The following CDK8 variants were observed in gnomAD, a reference collection of about 807,000 sequenced individuals.
The protein encoded by CDK8 is cyclin dependent kinase 8, also known as cyclin-dependent kinase 8.
A neutral mutation model predicts 71.5 loss-of-function variants in CDK8; 29 were observed. That is an observed-to-expected ratio of 0.41 (90% confidence interval 0.30 to 0.55). The LOEUF is 0.55. CDK8 is among the 20% of genes least tolerant of loss of function. CDK8 has a pLI of 0.37. For missense variants in CDK8, 288 were observed against 572.6 expected (o/e 0.50, Z 5.07); for synonymous variants, 161 against 192.1 (o/e 0.84, Z 1.34).
chr13:26,334,723 A>G (rs1260063177), intron 1 of CDK8, among the ~76,000 whole-genome samples: 1 of 152,224 alleles, frequency 6.6e-6, no homozygotes, highest in Non-Finnish European at 1.5e-5. Context: ...AAAGTATTAA[A>G]TTGACTTAAA....
intron 1 of CDK8, among the ~76,000 whole-genome samples, chr13:26,306,005 T>C (rs545513542): frequency 2.3e-4 from 35 of 152,198 alleles, no homozygotes; most frequent in Admixed American, 1.1e-3. Context: ...TTGGAATTTT[T>C]CTTGAAAAAT....
rs1873586351 is a variant in CDK8, at chr13:26,349,163, A to G, written c.296A>G (p.Tyr99Cys). The G allele has an allele frequency of 1.2e-6, 2 of 1,602,242 alleles. No homozygotes were observed. The highest frequency in any genetic ancestry group is 8.5e-7 in the Non-Finnish European group (1 of 1,169,816). Residue 99 changes from tyrosine to cysteine, a missense_variant, in exon 3 of 13, where the codon TAT (tyrosine) becomes TGT (cysteine). This residue lies in a region of CDK8 where 95 missense variants were observed against 177.3 expected (regional missense o/e 0.54). Coordinates refer to ENST00000381527, the MANE Select transcript of CDK8 (RefSeq NM_001260.3). ...AGGAAGGTGTGGCTTCTGTTTGACT[A>G]TGCTGAACATGACCTCTGGGTAAGG... ...ADRKVWLLFD[Y>C]AEHDLWHIIK...
intron 1 of CDK8, among the ~76,000 whole-genome samples, chr13:26,267,960 G>GT (rs1872102453): frequency 2.6e-5 from 4 of 152,240 alleles, no homozygotes; most frequent in Middle Eastern, 3.4e-3. Context: ...TAGAAACTCT[G>GT]ATCACCATGC....
At chr13:26,384,999 A>G (rs1337824585) in intron 5 of CDK8, among the ~76,000 whole-genome samples, 2 of 152,188 alleles carry the variant, frequency 1.3e-5, no homozygotes, top group Admixed American at 6.5e-5. Context: ...CTTGACTATA[A>G]CCCCATTGAA....
intron 1 of CDK8, among the ~76,000 whole-genome samples, chr13:26,261,944 A>C (rs1048519908): frequency 6.6e-6 from 1 of 152,184 alleles, no homozygotes; most frequent in Non-Finnish European, 1.5e-5. Flanking sequence ...TTATTCCAGG[A>C]CAGTGCTCAC....
intron 1 of CDK8, among the ~76,000 whole-genome samples, chr13:26,276,564 T>A (rs1433556441): frequency 1.3e-5 from 2 of 152,152 alleles, no homozygotes; most frequent in African/African-American, 2.4e-5. Context: ...TTTAATATAT[T>A]TTTTTAATTA....
rs567873371 is a variant in CDK8 at position 26,394,557 on chromosome 13, A to G, written c.790+1047A>G. Among the ~76,000 whole-genome samples the G allele has an allele frequency of 3.9e-5, 6 of 152,320 alleles. No homozygotes were observed. The South Asian group carries it at 1.0e-3, about 26-fold the overall frequency. On this transcript the variant is annotated intron_variant, in intron 7 of 12. Coordinates refer to ENST00000381527, the MANE Select transcript of CDK8 (RefSeq NM_001260.3). ...GTACTGCTATATGTAGAATGTTTAA[A>G]AAGTAGGTATGGTTTTGAGTAGAGA...
At chr13:26,290,553 T>TCA (rs1202859925) in intron 1 of CDK8, among the ~76,000 whole-genome samples, 2 of 152,070 alleles carry the variant, frequency 1.3e-5, no homozygotes, top group African/African-American at 4.8e-5. Flanking sequence ...GCTGAATACT[T>TCA]CACACACACA....
chr13:26,395,571 T>C lies in CDK8; in HGVS notation c.791-714T>C, dbSNP rs75203545. On this transcript the variant is annotated intron_variant, in intron 7 of 12. Transcript: ENST00000381527. Reference sequence around the variant, plus strand: ...CCTAGTAGACTCTCAGGAAAACCCATTGGCAGATATTGGAGAGAACACATT... The same window carrying C: ...CCTAGTAGACTCTCAGGAAAACCCACTGGCAGATATTGGAGAGAACACATT... Among the ~76,000 whole-genome samples, 728 of 151,898 alleles carry C rather than the reference T, an allele frequency of 4.8e-3. 2 individuals are homozygous for C. The highest frequency in any genetic ancestry group is 8.4e-3 in the Non-Finnish European group (573 of 67,994).
At chr13:26,291,496 T>A (rs1362409788) in intron 1 of CDK8, among the ~76,000 whole-genome samples, 2 of 152,186 alleles carry the variant, frequency 1.3e-5, no homozygotes, top group South Asian at 2.1e-4. Context: ...TCAGAATTTT[T>A]AAAAATCAAT....
intron 1 of CDK8, among the ~76,000 whole-genome samples, chr13:26,268,927 C>A (rs1002932189): frequency 7.2e-5 from 11 of 152,168 alleles, no homozygotes; most frequent in African/African-American, 2.4e-4. Flanking sequence ...TCCTACCCAG[C>A]ACTGACATTC....
intron 1 of CDK8, among the ~76,000 whole-genome samples, chr13:26,325,432 A>G (rs1374795404): frequency 1.3e-5 from 2 of 152,284 alleles, no homozygotes; most frequent in South Asian, 2.1e-4. Context: ...ATCTTGTGTA[A>G]GATTATTGGG....
intron 4 of CDK8, among the ~76,000 whole-genome samples, chr13:26,367,547 A>G (rs913769295): frequency 2.0e-5 from 3 of 152,128 alleles, no homozygotes; most frequent in Admixed American, 6.5e-5. Context: ...GGCCAGACCT[A>G]TTTGTTTTTT....
chr13:26,291,472 A>G (rs1447450835), intron 1 of CDK8, among the ~76,000 whole-genome samples: 1 of 152,200 alleles, frequency 6.6e-6, no homozygotes, highest in Non-Finnish European at 1.5e-5. Flanking sequence ...TAGGAACAAT[A>G]AAATGCCAAC....
At chr13:26,349,988 T>C (rs1873620788) in intron 3 of CDK8, among the ~76,000 whole-genome samples, 1 of 152,210 alleles carries the variant, frequency 6.6e-6, no homozygotes, top group African/African-American at 2.4e-5. Context: ...ACTTATTTAC[T>C]ATTGTGTCAC....
rs534265015 is a variant in CDK8 at position 26,305,814 on chromosome 13, A to G, written c.129-31753A>G. ...TTTTCTCCTCAAAAATCTGTGTTCT[A>G]TCTTGAGGTACTCTGTTGGAATTCT... is the stretch of plus-strand genomic sequence containing the variant. On this transcript the variant is annotated intron_variant, in intron 1 of 12. Transcript: ENST00000381527. 5.3e-5 allele frequency among the ~76,000 whole-genome samples: 8 copies of G among 152,186 alleles called. No homozygotes were observed. The East Asian group carries it at 1.2e-3, about 22-fold the overall frequency.
At chr13:26,385,127 C>A (rs921629337) in intron 5 of CDK8, 84 bp from the exon 6 acceptor site, 2 of 1,105,410 alleles carry the variant, frequency 1.8e-6, no homozygotes, top group African/African-American at 1.6e-5. Context: ...TTTCATCTTA[C>A]TGAATAAGAT....
intron 6 of CDK8, among the ~76,000 whole-genome samples, chr13:26,387,062 T>C (rs1221937041): frequency 6.6e-6 from 1 of 152,230 alleles, no homozygotes; most frequent in African/African-American, 2.4e-5. Flanking sequence ...GATTAATCCT[T>C]TATACTACTT....
chr13:26,373,483 A>G (rs1874788139), intron 4 of CDK8, among the ~76,000 whole-genome samples: 1 of 152,182 alleles, frequency 6.6e-6, no homozygotes, highest in Non-Finnish European at 1.5e-5. Flanking sequence ...ACAATCTTTT[A>G]ACAAATTTTC....
Sources: allele counts gnomAD v4.1 joint callset (sites outside exome capture counted in the v4.1 genomes callset), GRCh38; gene constraint gnomAD v4.1.1; regional missense constraint gnomAD v4.1.1; transcripts MANE v1.5; gene names NCBI Gene and HGNC (gene_info 2026-07-23, HGNC 2026-07-21).